Variants in MMP15 observed in about 807,000 individuals in gnomAD.
MMP15 encodes the protein matrix metallopeptidase 15.
In MMP15, 36 loss-of-function variants were observed where a neutral mutation model predicts 65.0. That is an observed-to-expected ratio of 0.55 (90% CI 0.42 to 0.73). MMP15 has a LOEUF of 0.73. Among genes scored for constraint, MMP15 ranks in the 30% least tolerant of loss-of-function variants. The pLI is 0.00. For synonymous variants in MMP15, 428 were observed against 410.2 expected, an observed-to-expected ratio of 1.04 and a Z score of -0.52; for missense variants, 870 against 987.8, an observed-to-expected ratio of 0.88 and a Z score of 1.60.
At chr16:58,029,186 C>T (rs1183214487) in intron 1 of MMP15, among the ~76,000 whole-genome samples, 3 of 152,250 alleles carry the variant, frequency 2.0e-5, no homozygotes, top group African/African-American at 7.2e-5. Flanking sequence ...GTAGATGAGG[C>T]AGCGGGGGTG....
Position 58,026,212 on chromosome 16 carries a change from T to G in MMP15, c.-139T>G. On this transcript the variant is annotated 5_prime_UTR_variant, in exon 1 of 10. Transcript: ENST00000219271. Reference sequence around the variant, plus strand: ...GGCTTGGGAATTTGCCGAGGCGACCTAGGCGGCTCCGGCGGGGACCGGGAG... The same window carrying G: ...GGCTTGGGAATTTGCCGAGGCGACCGAGGCGGCTCCGGCGGGGACCGGGAG... The G allele has an allele frequency of 1.0e-6, 1 of 984,064 alleles. No individual in the cohort carries two copies. Among genetic ancestry groups the G allele is most frequent in the Non-Finnish European group, 1.3e-6 (1 of 762,232 alleles). 61.0% of individuals were successfully genotyped at this position (984,064 alleles called of 1,614,324 possible).
In MMP15 at chr16:58,043,344, T is replaced by C. The variant is rs780024867; in HGVS notation, c.1438T>C (p.Phe480Leu). ...IWWEPTGHTF[F>L]FQEDRYWRFN... is the part of the protein sequence containing the mutation. ...GTGGGAGCCCACAGGCCACACCTTCTTCTTCCAAGAGGACAGGTGAGCAGT... is the reference window on the plus strand; with the variant it reads ...GTGGGAGCCCACAGGCCACACCTTCCTCTTCCAAGAGGACAGGTGAGCAGT... The change falls in exon 8 of 10, where the codon TTC becomes CTC. Residue 480 changes from phenylalanine to leucine, a missense_variant. Phe to Leu is a conservative substitution (Grantham distance 22). Transcript: ENST00000219271. 37 of 1,605,512 alleles carry C rather than the reference T, an allele frequency of 2.3e-5. No individual in the cohort carries two copies. In the Admixed American group the frequency reaches 6.1e-4, roughly 26 times the overall value.
Position 58,040,077 on chromosome 16 carries a change from A to C in MMP15, c.643A>C (p.Thr215Pro). 1 of 1,614,084 alleles carries C rather than the reference A, an allele frequency of 6.2e-7. No homozygotes were observed. Among genetic ancestry groups the C allele is most frequent in the Non-Finnish European group, 8.5e-7 (1 of 1,180,050 alleles). Residue 215 changes from threonine to proline, a missense_variant, in exon 4 of 10, where the codon ACC becomes CCC. Coordinates refer to ENST00000219271, the MANE Select transcript of MMP15 (RefSeq NM_002428.4). ...FHGDSSPFDGTGGFLAHAYFP... is the reference protein window; with the variant it reads ...FHGDSSPFDGPGGFLAHAYFP... ...CGGCGACAGCTCGCCGTTTGATGGC[A>C]CCGGTGGCTTTCTGGCCCACGCCTA...
Position 58,039,885 on chromosome 16 carries a change from T to A in MMP15, c.451T>A (p.Tyr151Asn). Residue 151 changes from tyrosine (Y) to asparagine (N), a missense_variant, in exon 4 of 10, where the codon TAC (tyrosine) becomes AAC (asparagine). By Grantham distance (143) the Tyr-to-Asn change is moderately radical (BLOSUM62 -2). Coordinates refer to ENST00000219271, the MANE Select transcript of MMP15 (RefSeq NM_002428.4). ...CCCACCCACCCCCAGCATCCAGAAC[T>A]ACACGGAGAAGTTGGGCTGGTACCA... ...NHHLTFSIQN[Y>N]TEKLGWYHSM... 1 of 1,601,626 alleles carries A rather than the reference T, an allele frequency of 6.2e-7. No homozygotes were observed. The highest frequency in any genetic ancestry group is 1.1e-5 in the South Asian group (1 of 90,378).
intron 1 of MMP15, among the ~76,000 whole-genome samples, chr16:58,033,046 C>T (rs964614295): frequency 2.0e-5 from 3 of 152,094 alleles, no homozygotes; most frequent in Non-Finnish European, 4.4e-5. Flanking sequence ...ACGCTTGCCC[C>T]CTCCCCCACC....
chr16:58,042,349 G>A lies in MMP15; in HGVS notation c.1283G>A (p.Gly428Asp), dbSNP rs1486598584. The change falls in exon 7 of 10, where the codon GGT becomes GAT. Residue 428 changes from glycine (G) to aspartate (D), a missense_variant. Coordinates refer to ENST00000219271, the MANE Select transcript of MMP15 (RefSeq NM_002428.4). ...AGTGCTGCCTACGAGCGCCAAGACG[G>A]TCGTTTTGTCTTTTTCAAAGGTGAG... Reference protein sequence around the residue: ...DISAAYERQDGRFVFFKGDRY... With the variant: ...DISAAYERQDDRFVFFKGDRY... 4 of 1,614,178 alleles carry A rather than the reference G, an allele frequency of 2.5e-6. No individual in the cohort carries two copies. The highest frequency in any genetic ancestry group is 3.4e-6 in the Non-Finnish European group (4 of 1,180,022).
At chr16:58,032,864 G>T (rs1196215650) in intron 1 of MMP15, among the ~76,000 whole-genome samples, 2 of 152,236 alleles carry the variant, frequency 1.3e-5, no homozygotes, top group African/African-American at 4.8e-5. Context: ...ACTCTGCCTG[G>T]GTCTGCTCAG....
chr16:58,031,371 A>T (rs918250727), intron 1 of MMP15, among the ~76,000 whole-genome samples: 2 of 152,158 alleles, frequency 1.3e-5, no homozygotes, highest in Non-Finnish European at 1.5e-5. Flanking sequence ...GAGCTGTGTG[A>T]GCCAAAAGCC....
In MMP15 at chr16:58,043,285, G is replaced by A. The variant is rs369041093; in HGVS notation, c.1379G>A (p.Gly460Asp). The change falls in exon 8 of 10, where the codon GGC becomes GAC. Residue 460 changes from glycine (G) to aspartate (D), a missense_variant. By Grantham distance (94) the Gly-to-Asp change is moderately conservative. Transcript: ENST00000219271. ...CAGCCGCTGACCAGCTATGGCCTGG[G>A]CATCCCCTATGACCGCATTGACACG... The part of the protein sequence containing the change: ...YPQPLTSYGL[G>D]IPYDRIDTAI... 1.9e-5 allele frequency: 31 copies of A among 1,602,638 alleles called. No homozygotes were observed. The highest frequency in any genetic ancestry group is 2.5e-5 in the Non-Finnish European group (29 of 1,174,116).
Position 58,045,080 on chromosome 16 carries a change from C to A in MMP15, c.1644C>A (p.Tyr548Ter). 6.2e-7 allele frequency: 1 copy of A among 1,613,018 alleles called. No homozygotes were observed. Among genetic ancestry groups the A allele is most frequent in the South Asian group, 1.1e-5 (1 of 90,994 alleles). Reference protein sequence around the residue: ...DNERLRMEPGYPKSILRDFMG... With the variant: ...DNERLRMEPG ...AGCGCCTGCGGATGGAGCCCGGCTA[C>A]CCCAAGTCCATCCTGCGGGACTTCA... is the stretch of plus-strand genomic sequence containing the variant. The change falls in exon 10 of 10, where the codon TAC (tyrosine) becomes TAA (stop). Residue 548 changes from tyrosine (Y) to a stop codon, truncating the protein, a stop_gained. Transcript: ENST00000219271. LOFTEE classifies it low-confidence loss of function (END_TRUNC).
chr16:58,027,014 G>A (rs1275976601), intron 1 of MMP15, among the ~76,000 whole-genome samples: 2 of 152,248 alleles, frequency 1.3e-5, no homozygotes, highest in African/African-American at 2.4e-5. Flanking sequence ...GTGATACCGA[G>A]CCGCGCACGG....
chr16:58,031,640 A>G (rs1000301917), intron 1 of MMP15, among the ~76,000 whole-genome samples: 8 of 151,942 alleles, frequency 5.3e-5, no homozygotes, highest in Admixed American at 2.6e-4. Flanking sequence ...AAGTGGTCAG[A>G]CCTCAAGACG....
At position 58,040,614 on chromosome 16, in the gene MMP15, A is replaced by G; in HGVS notation, c.826A>G (p.Ile276Val). 3 of 1,614,204 alleles carry G rather than the reference A, an allele frequency of 1.9e-6. No individual in the cohort carries two copies. Among genetic ancestry groups the G allele is most frequent in the East Asian group, 2.2e-5 (1 of 44,886 alleles). Reference sequence around the variant, plus strand: ...GGAGCACTCCAGCAACCCCAATGCCATCATGGCGCCGTTCTACCAGTGGAA... The same window carrying G: ...GGAGCACTCCAGCAACCCCAATGCCGTCATGGCGCCGTTCTACCAGTGGAA... ...GLEHSSNPNA[I>V]MAPFYQWKDV... Residue 276 changes from isoleucine to valine, a missense_variant, in exon 5 of 10, where the codon ATC (isoleucine) becomes GTC (valine). Transcript: ENST00000219271.
At position 58,026,361 on chromosome 16, in the gene MMP15, A is replaced by T. The variant is rs1963814239; in HGVS notation, c.11A>T (p.Asp4Val). 7.4e-7 allele frequency: 1 copy of T among 1,358,802 alleles called. No homozygotes were observed. Among genetic ancestry groups the T allele is most frequent in the Admixed American group, 4.0e-5 (1 of 25,032 alleles). The allele number at this position is 1,358,802 out of a possible 1,614,324, so 84.2% of individuals were successfully genotyped here. MGS[D>V]PSAPGRPGWT... ...CTGGGCGCCGAGAGCATGGGCAGCG[A>T]CCCGAGCGCGCCCGGACGGCCGGGC... Residue 4 changes from aspartate (D) to valine (V), a missense_variant, in exon 1 of 10, where the codon GAC (aspartate) becomes GTC (valine). Asp to Val is a radical substitution (Grantham distance 152, BLOSUM62 -3). Coordinates refer to ENST00000219271, the MANE Select transcript of MMP15 (RefSeq NM_002428.4).
intron 1 of MMP15, 142 bp from the exon 2 acceptor site, chr16:58,037,330 C>A: frequency 9.4e-7 from 1 of 1,066,728 alleles, no homozygotes; most frequent in Non-Finnish European, 1.4e-6. Flanking sequence ...TGCTGAGGCT[C>A]ACACGGTCAC....
At position 58,045,030 on chromosome 16, in the gene MMP15, A is replaced by G. The variant is rs879459351; in HGVS notation, c.1594A>G (p.Thr532Ala). 1.1e-5 allele frequency: 18 copies of G among 1,613,438 alleles called. No homozygotes were observed. Among genetic ancestry groups the G allele is most frequent in the Non-Finnish European group, 1.4e-5 (17 of 1,180,010 alleles). The change falls in exon 10 of 10, where the codon ACC becomes GCC. Residue 532 changes from threonine to alanine, a missense_variant. Coordinates refer to ENST00000219271, the MANE Select transcript of MMP15 (RefSeq NM_002428.4). ...DAAYTYFYKG[T>A]KYWKFDNERL... is the part of the protein sequence containing the mutation. The stretch of plus-strand genomic sequence containing the variant: ...AGCCTACACCTACTTCTACAAGGGC[A>G]CCAAATACTGGAAATTCGACAATGA...
chr16:58,031,852 C>CTTT (rs1567428486), intron 1 of MMP15, among the ~76,000 whole-genome samples: 19 of 123,370 alleles, frequency 1.5e-4, no homozygotes, highest in African/African-American at 6.5e-4. Context: ...CTCGATGCCG[C>CTTT]CTTTTTTTTT....
intron 5 of MMP15, chr16:58,040,925 G>A: frequency 4.6e-6 from 3 of 650,860 alleles, no homozygotes. Context: ...CTGCAGGCTA[G>A]AGGCCTTGAA....
rs1959357048 is a variant in MMP15 at position 58,037,539 on chromosome 16, A to G, written c.230A>G (p.Gln77Arg). The change falls in exon 2 of 10, where the codon CAG becomes CGG. Residue 77 changes from glutamine to arginine, a missense_variant. By Grantham distance (43) the Gln-to-Arg change is conservative. Transcript: ENST00000219271. ...CATATGTCCACCATGCGTTCCGCCC[A>G]GATCTTGGCCTCGGCCCTTGCAGAG... ...SRHMSTMRSA[Q>R]ILASALAEMQ... is the part of the protein sequence containing the mutation. 2.5e-6 allele frequency: 4 copies of G among 1,614,056 alleles called. No homozygotes were observed. In the South Asian group the frequency reaches 4.4e-5, roughly 18 times the overall value.
Sources: gnomAD v4.1 joint callset for allele counts (sites outside exome capture counted in the v4.1 genomes callset) on GRCh38, gnomAD v4.1.1 for gene constraint, MANE v1.5 for transcripts, NCBI Gene and HGNC (gene_info 2026-07-23, HGNC 2026-07-21) for gene names.